The following ROBO2 variants were observed in gnomAD, a reference collection of about 807,000 sequenced individuals.
ROBO2 encodes the protein roundabout guidance receptor 2.
ROBO2 carries 53 observed loss-of-function variants against 160.8 expected under a neutral mutation model. The ratio of observed to expected loss-of-function variants is 0.33; its 90% CI spans 0.26 to 0.41. ROBO2 has a LOEUF of 0.41. ROBO2 is among the 10% of genes least tolerant of loss of function. ROBO2 has a pLI of 1.00. For synonymous variants in ROBO2, 664 were observed against 611.7 expected (o/e 1.09, Z -1.26); for missense variants, 1,577 against 1,722.4 (o/e 0.92, Z 1.49).
At chr3:76,595,157 C>T (rs751580978) in intron 2 of ROBO2, among the ~76,000 whole-genome samples, 1 of 151,966 alleles carries the variant, frequency 6.6e-6, no homozygotes, top group East Asian at 1.9e-4. Flanking sequence ...GCTTCTAGAA[C>T]TCAGGAATTT....
chr3:76,784,088 C>T (rs1283704954), intron 2 of ROBO2, among the ~76,000 whole-genome samples: 5 of 151,000 alleles, frequency 3.3e-5, no homozygotes, highest in African/African-American at 1.2e-4. Flanking sequence ...AATTTGTTGT[C>T]AGGAAATTCA....
chr3:77,593,466 G>A (rs2094226082), intron 17 of ROBO2, among the ~76,000 whole-genome samples: 1 of 152,102 alleles, frequency 6.6e-6, no homozygotes, highest in Non-Finnish European at 1.5e-5. Flanking sequence ...CTGAGCATGT[G>A]CCTATAGCCA....
chr3:76,034,698 G>T (rs1289319091), intron 2 of ROBO2, among the ~76,000 whole-genome samples: 1 of 151,876 alleles, frequency 6.6e-6, no homozygotes, highest in East Asian at 1.9e-4. Flanking sequence ...TGTTTTTGGT[G>T]ATGTGCCATT....
intron 13 of ROBO2, 43 bp downstream of exon 14, chr3:77,568,477 C>A (rs377012933): frequency 2.5e-6 from 4 of 1,609,792 alleles, no homozygotes; most frequent in Non-Finnish European, 2.5e-6. Flanking sequence ...TCTTCTCTTT[C>A]GGGAAAGCAA....
chr3:76,567,763 C>CTGTGTGTGTG lies in ROBO2; in HGVS notation c.110-530225_110-530216dup, dbSNP rs71101900. 4.1e-3 allele frequency among the ~76,000 whole-genome samples: 364 copies of CTGTGTGTGTG among 88,362 alleles called. 1 individual carries two copies. The highest frequency in any genetic ancestry group is 9.7e-3 in the African/African-American group (218 of 22,572). The allele number at this position is 88,362 out of a possible 152,430, so 58.0% of individuals were successfully genotyped here. A position where few individuals can be genotyped will look rare whatever the true frequency, so the allele number is the denominator to read the frequency against. On this transcript the variant is annotated intron_variant, in intron 2 of 26. Coordinates refer to the ROBO2 transcript ENST00000487694. Reference sequence around the variant, plus strand: ...CTGTTTTATATATATATATATCTGTCTGTGTGTGTGTGTGTGTGTGTGTGT... The same window carrying CTGTGTGTGTG: ...CTGTTTTATATATATATATATCTGTCTGTGTGTGTGTGTGTGTGTGTGTGTGTGTGTGTGT...
At chr3:77,190,122 A>G (rs2081690473) in intron 2 of ROBO2, among the ~76,000 whole-genome samples, 1 of 151,896 alleles carries the variant, frequency 6.6e-6, no homozygotes, top group South Asian at 2.1e-4. Flanking sequence ...GTAATATAGT[A>G]TTTTTCTGGG....
chr3:76,442,630 A>G (rs531511006), intron 2 of ROBO2, among the ~76,000 whole-genome samples: 1 of 152,254 alleles, frequency 6.6e-6, no homozygotes, highest in Non-Finnish European at 1.5e-5. Context: ...AATTTCAGAA[A>G]TAAACAATTC....
intron 1 of ROBO2, among the ~76,000 whole-genome samples, chr3:75,936,291 A>T (rs1947779009): frequency 6.6e-6 from 1 of 152,194 alleles, no homozygotes; most frequent in Non-Finnish European, 1.5e-5. Flanking sequence ...GGGAGAAAGA[A>T]AACTTCTGGG....
At chr3:77,218,376 CTT>C (rs199847608) in intron 2 of ROBO2, among the ~76,000 whole-genome samples, 16 of 140,182 alleles carry the variant, frequency 1.1e-4, no homozygotes, top group Middle Eastern at 3.7e-3. Context: ...TGAAATTATA[CTT>C]TTTTTTTTTT....
chr3:77,643,004 T>C, intron 24 of ROBO2, 61 bp downstream of exon 26: 2 of 440,186 alleles, frequency 4.5e-6, no homozygotes, highest in South Asian at 3.2e-5. Context: ...CTACCAGGTA[T>C]TCTAGAAATG....
At chr3:76,817,760 C>A (rs912967055) in intron 2 of ROBO2, among the ~76,000 whole-genome samples, 3 of 151,818 alleles carry the variant, frequency 2.0e-5, no homozygotes, top group Non-Finnish European at 4.4e-5. Context: ...GTTTTCCATT[C>A]CCGAGTTACT....
chr3:76,662,584 T>C (rs912203540), intron 2 of ROBO2, among the ~76,000 whole-genome samples: 4 of 152,108 alleles, frequency 2.6e-5, no homozygotes, highest in Admixed American at 6.5e-5. Context: ...GTAGTACTAA[T>C]GCGAGTTAGG....
At chr3:76,727,882 A>T (rs1021626523) in intron 2 of ROBO2, among the ~76,000 whole-genome samples, 1 of 152,160 alleles carries the variant, frequency 6.6e-6, no homozygotes, top group Non-Finnish European at 1.5e-5. Context: ...GGTATATTTC[A>T]AAATAGCTGG....
At chr3:76,981,314 A>G (rs2060085102) in intron 2 of ROBO2, among the ~76,000 whole-genome samples, 1 of 152,192 alleles carries the variant, frequency 6.6e-6, no homozygotes, top group Non-Finnish European at 1.5e-5. Flanking sequence ...AGCAATCAGC[A>G]TTGTATGGAA....
chr3:76,191,032 A>G (rs1249465423), intron 2 of ROBO2, among the ~76,000 whole-genome samples: 3 of 152,132 alleles, frequency 2.0e-5, no homozygotes, highest in East Asian at 1.9e-4. Flanking sequence ...AGAGCGATTA[A>G]TAGTGGGATC....
intron 2 of ROBO2, among the ~76,000 whole-genome samples, chr3:76,754,724 T>C (rs2060871153): frequency 6.6e-6 from 1 of 151,886 alleles, no homozygotes; most frequent in South Asian, 2.1e-4. Flanking sequence ...TTATTGCTAA[T>C]AACATACTTG....
At chr3:77,199,559 A>C (rs1435886353) in intron 2 of ROBO2, among the ~76,000 whole-genome samples, 2 of 151,462 alleles carry the variant, frequency 1.3e-5, no homozygotes, top group Non-Finnish European at 2.9e-5. Context: ...TAGCTGATTC[A>C]TCTATTCATA....
intron 2 of ROBO2, among the ~76,000 whole-genome samples, chr3:76,136,210 C>T (rs1305416531): frequency 1.3e-5 from 2 of 152,118 alleles, no homozygotes; most frequent in African/African-American, 4.8e-5. Flanking sequence ...TGATGGTTTA[C>T]ATAGCATTCA....
chr3:76,947,899 T>C (rs1012679009), intron 2 of ROBO2, among the ~76,000 whole-genome samples: 14 of 152,290 alleles, frequency 9.2e-5, no homozygotes, highest in African/African-American at 2.6e-4. Context: ...ATTCTATTTG[T>C]TTTATATTCA....
Sources: gnomAD v4.1 joint callset for allele counts (sites outside exome capture counted in the v4.1 genomes callset) on GRCh38, gnomAD v4.1.1 for gene constraint, MANE v1.5 for transcripts, NCBI Gene and HGNC (gene_info 2026-07-23, HGNC 2026-07-21) for gene names.